NLRP5: variants seen among roughly 807,000 people sequenced by gnomAD.
The protein encoded by NLRP5 is NACHT, LRR and PYD domains-containing protein 5.
In NLRP5, 93 loss-of-function variants were observed where a neutral mutation model predicts 113.1. The ratio of observed to expected loss-of-function variants is 0.82; its 90% CI spans 0.70 to 0.98. The LOEUF is 0.98. NLRP5 is among the 50% of genes least tolerant of loss of function. NLRP5 has a pLI of 0.00. For missense variants in NLRP5, 1,808 were observed against 1,514.3 expected (o/e 1.19, Z -3.22); for synonymous variants, 751 against 600.7 (o/e 1.25, Z -3.66).
intron 2 of NLRP5, among the ~76,000 whole-genome samples, chr19:56,008,341 G>A (rs1982031565): frequency 6.6e-6 from 1 of 152,070 alleles, no homozygotes; most frequent in Non-Finnish European, 1.5e-5. Context: ...CTCACCCCAT[G>A]GAAGAGATGT....
chr19:55,994,507 C>T, the NLRP5 span, among the ~76,000 whole-genome samples: 1 of 152,194 alleles, frequency 6.6e-6, no homozygotes, highest in African/African-American at 2.4e-5. Flanking sequence ...AAGCGATTCT[C>T]CTGCCTCAGC....
the NLRP5 span, among the ~76,000 whole-genome samples, chr19:55,990,089 T>TTTC: frequency 2.0e-5 from 1 of 49,522 alleles, no homozygotes; most frequent in Non-Finnish European, 4.0e-5. Context: ...CTTTTTTTTT[T>TTTC]TTTTTTTTTT....
chr19:56,012,576 CAAAAA>C (rs11312971), intron 3 of NLRP5, among the ~76,000 whole-genome samples: 1 of 146,916 alleles, frequency 6.8e-6, no homozygotes, highest in Non-Finnish European at 1.5e-5. Context: ...TTCCATAACC[CAAAAA>C]AAAAAAAAAA....
chr19:56,042,969 A>G (rs1983576033), intron 11 of NLRP5, among the ~76,000 whole-genome samples: 1 of 151,336 alleles, frequency 6.6e-6, no homozygotes, highest in Admixed American at 6.6e-5. Flanking sequence ...TCATATATGT[A>G]TGTGTGTGTG....
In NLRP5 at chr19:56,033,660, A is replaced by G; in HGVS notation, c.2566A>G (p.Met856Val). The change falls in exon 9 of 15, where the codon ATG (methionine) becomes GTG (valine). Residue 856 changes from methionine to valine, a missense_variant. Physicochemically the swap from Met to Val is conservative, Grantham distance 21 (BLOSUM62 1). Transcript: ENST00000390649. ...CCACCTGAAGGAAGAGGATGTAAGG[A>G]TGGCGTGTGAAGCCTTAAAACACCC... The G allele has an allele frequency of 1.2e-6, 2 of 1,613,936 alleles. No homozygotes were observed. Among genetic ancestry groups the G allele is most frequent in the Non-Finnish European group, 1.7e-6 (2 of 1,179,816 alleles).
At position 56,028,163 on chromosome 19, in the gene NLRP5, G is replaced by A. The variant is rs770882972; in HGVS notation, c.1930G>A (p.Asp644Asn). The A allele has an allele frequency of 6.2e-7, 1 of 1,614,018 alleles. No homozygotes were observed. Among genetic ancestry groups the A allele is most frequent in the Admixed American group, 1.7e-5 (1 of 60,032 alleles). Reference sequence around the variant, plus strand: ...TTTCTTGTTTGGCCTCGTGAGCGAAGACGTAAGGAGGCCACTGGAGGTCCT... The same window carrying A: ...TTTCTTGTTTGGCCTCGTGAGCGAAAACGTAAGGAGGCCACTGGAGGTCCT... The change falls in exon 7 of 15, where the codon GAC (aspartate) becomes AAC (asparagine). Residue 644 changes from aspartate to asparagine, a missense_variant. Asp to Asn is a conservative substitution (Grantham distance 23). Coordinates refer to ENST00000390649, the MANE Select transcript of NLRP5 (RefSeq NM_153447.4).
At chr19:56,047,296 CTT>C (rs1983764314) in intron 11 of NLRP5, among the ~76,000 whole-genome samples, 1 of 152,008 alleles carries the variant, frequency 6.6e-6, no homozygotes, top group African/African-American at 2.4e-5. Flanking sequence ...TTGGTTTGCT[CTT>C]GTTTCTCTAC....
At chr19:56,025,833 C>T (rs1259370053) in intron 6 of NLRP5, among the ~76,000 whole-genome samples, 1 of 152,042 alleles carries the variant, frequency 6.6e-6, no homozygotes, top group East Asian at 1.9e-4. Context: ...ATCCGTGGCT[C>T]CCTCAAGTTC....
chr19:56,016,939 G>C (rs1481233154), intron 4 of NLRP5, among the ~76,000 whole-genome samples: 1 of 152,150 alleles, frequency 6.6e-6, no homozygotes, highest in Non-Finnish European at 1.5e-5. Context: ...CTCCCAAGTA[G>C]CTGGGATTAC....
At chr19:56,024,537 ATATGTATG>A (rs1159514867) in intron 6 of NLRP5, among the ~76,000 whole-genome samples, 1 of 126,850 alleles carries the variant, frequency 7.9e-6, no homozygotes, top group Non-Finnish European at 1.7e-5. Flanking sequence ...ATACATATGT[ATATGTATG>A]TATATGTGTA....
At chr19:56,025,445 G>A (rs142252791) in intron 6 of NLRP5, among the ~76,000 whole-genome samples, 2,626 of 146,294 alleles carry the variant, frequency 0.018, 72 homozygotes, top group African/African-American at 0.061. Context: ...TCGCTCTGTC[G>A]CCCAGTCTGG....
intron 1 of NLRP5, among the ~76,000 whole-genome samples, chr19:56,002,521 T>C (rs1981694519): frequency 6.6e-6 from 1 of 151,744 alleles, no homozygotes; most frequent in African/African-American, 2.4e-5. Flanking sequence ...ACGTGCAGGT[T>C]TGTTACATAT....
At chr19:56,032,487 C>T (rs1356022583) in intron 7 of NLRP5, 124 bp from the exon 8 acceptor site, 1 of 748,524 alleles carries the variant, frequency 1.3e-6, no homozygotes, top group Non-Finnish European at 2.1e-6. Flanking sequence ...TAAGTTGCCT[C>T]AGGGCCTCTA....
upstream of NLRP5, among the ~76,000 whole-genome samples, chr19:55,996,642 C>T (rs1435428930): frequency 6.6e-6 from 1 of 152,150 alleles, no homozygotes; most frequent in African/African-American, 2.4e-5. Flanking sequence ...CAGCTTCATC[C>T]ATGTCCCTAC....
chr19:56,056,940 G>C (rs1262930519), intron 13 of NLRP5, among the ~76,000 whole-genome samples: 1 of 152,102 alleles, frequency 6.6e-6, no homozygotes, highest in African/African-American at 2.4e-5. Flanking sequence ...AGGAGTTCGA[G>C]ACCAGACTGG....
At chr19:55,996,605 C>T (rs996777497), upstream of NLRP5, among the ~76,000 whole-genome samples, 5 of 152,084 alleles carry the variant, frequency 3.3e-5, no homozygotes, top group Non-Finnish European at 7.4e-5. Flanking sequence ...TTCGTCCTTG[C>T]GATAGTTTGC....
intron 1 of NLRP5, among the ~76,000 whole-genome samples, chr19:56,000,912 A>G (rs959732320): frequency 6.6e-6 from 1 of 151,894 alleles, no homozygotes; most frequent in Non-Finnish European, 1.5e-5. Context: ...AGGCTGAGGC[A>G]GGAGAATCGA....
Position 56,023,110 on chromosome 19 carries a change from T to A in NLRP5, c.679+2679T>A, listed in dbSNP as rs370785313. On this transcript the variant is annotated intron_variant, in intron 6 of 14. Coordinates refer to ENST00000390649, the MANE Select transcript of NLRP5 (RefSeq NM_153447.4). ...GAGTTAGACACACAAGTCTGGAATT[T>A]TAGGAAAGAAGCCCTCACGAAGGAG... Among the ~76,000 whole-genome samples the A allele has an allele frequency of 5.3e-5, 8 of 152,250 alleles. No individual in the cohort carries two copies. In the South Asian group the frequency reaches 8.3e-4, roughly 16 times the overall value.
At chr19:56,019,868 G>A (rs542488902) in intron 5 of NLRP5, among the ~76,000 whole-genome samples, 4 of 148,134 alleles carry the variant, frequency 2.7e-5, no homozygotes, top group Admixed American at 6.7e-5. Flanking sequence ...AAGGAGTCTC[G>A]CTGTGTCGCC....
Sources: allele counts gnomAD v4.1 joint callset (sites outside exome capture counted in the v4.1 genomes callset), GRCh38; gene constraint gnomAD v4.1.1; transcripts MANE v1.5; gene names NCBI Gene and HGNC (gene_info 2026-07-23, HGNC 2026-07-21).